RNFT2: variants seen among roughly 807,000 people sequenced by gnomAD.
RNFT2 encodes E3 ubiquitin-protein ligase RNFT2.
A neutral mutation model predicts 53.0 loss-of-function variants in RNFT2; 36 were observed. That is an observed-to-expected ratio of 0.68 (90% CI 0.52 to 0.90). The LOEUF (loss-of-function observed/expected upper bound fraction) is 0.90, where lower values mean the gene tolerates loss of function less well. Among genes scored for constraint, RNFT2 ranks in the 40% least tolerant of loss-of-function variants. The probability of loss-of-function intolerance (pLI) is 0.00; values close to 1 mark genes in which losing one functional copy is unlikely to be tolerated. For synonymous variants in RNFT2, 260 were observed against 253.2 expected (o/e 1.03, Z -0.26); for missense variants, 514 against 585.6 (o/e 0.88, Z 1.26).
intron 7 of RNFT2, among the ~76,000 whole-genome samples, chr12:116,794,643 G>A: frequency 8.5e-6 from 1 of 117,170 alleles, no homozygotes; most frequent in South Asian, 3.5e-4. Flanking sequence ...GGGAGGGGAG[G>A]GGAGAAGGAA....
chr12:116,852,653 C>T lies in RNFT2; in HGVS notation c.*3205C>T. The T allele has an allele frequency of 1.2e-6, 2 of 1,613,982 alleles. No homozygotes were observed. The highest frequency in any genetic ancestry group is 1.7e-5 in the Admixed American group (1 of 60,020). On this transcript the variant is annotated 3_prime_UTR_variant, in exon 11 of 11. Transcript: ENST00000257575. Reference sequence around the variant, plus strand: ...GGAAAGATCATCCTGCCTGCAGATGCTGTTGAAGGGGCACAAGAAATTGGA... The same window carrying T: ...GGAAAGATCATCCTGCCTGCAGATGTTGTTGAAGGGGCACAAGAAATTGGA...
At chr12:116,746,421 T>TAA (rs1438272255) in intron 3 of RNFT2, among the ~76,000 whole-genome samples, 5 of 151,474 alleles carry the variant, frequency 3.3e-5, no homozygotes, top group African/African-American at 1.2e-4. Context: ...AGATGAGGAA[T>TAA]AAAATAACAG....
In RNFT2 at chr12:116,841,954, TATATAGAGAGAGAG is replaced by T. The variant is rs1396258392; in HGVS notation, c.1200+5674_1200+5687del. On this transcript the variant is annotated intron_variant, in intron 10 of 10. Coordinates refer to ENST00000257575, the MANE Select transcript of RNFT2 (RefSeq NM_001382266.1). ...ATATATAAATATATATATAAATATA[TATATAGAGAGAGAG>T]AGAGAGAGAGAGAGAGAGGGAGGAT... Among the ~76,000 whole-genome samples the T allele has an allele frequency of 1.3e-3, 25 of 19,722 alleles. 1 individual carries two copies. Among genetic ancestry groups the T allele is most frequent in the African/African-American group, 5.2e-3 (15 of 2,894 alleles). 12.9% of individuals were successfully genotyped at this position (19,722 alleles called of 152,430 possible). A position where few individuals can be genotyped will look rare whatever the true frequency, so the allele number is the denominator to read the frequency against.
rs1252932117 is a variant in RNFT2, at chr12:116,853,100, C to T, written c.*3652C>T. ...TTTTCTTCTCGGTGGGGGGATTTAA[C>T]TTCTGTCCTAGGGAAAACAGTGTCT... On this transcript the variant is annotated 3_prime_UTR_variant, in exon 11 of 11. Coordinates refer to ENST00000257575, the MANE Select transcript of RNFT2 (RefSeq NM_001382266.1). 4.7e-6 allele frequency: 2 copies of T among 424,608 alleles called. No homozygotes were observed. Among genetic ancestry groups the T allele is most frequent in the African/African-American group, 4.1e-5 (2 of 48,852 alleles). The allele number at this position is 424,608 out of a possible 1,614,324, so 26.3% of individuals were successfully genotyped here.
chr12:116,779,606 T>C (rs1292416365), intron 7 of RNFT2, among the ~76,000 whole-genome samples: 2 of 152,172 alleles, frequency 1.3e-5, no homozygotes. Flanking sequence ...CAGCTACCCT[T>C]GATGCAATTT....
intron 10 of RNFT2, among the ~76,000 whole-genome samples, chr12:116,848,568 C>T (rs1327737069): frequency 2.6e-5 from 4 of 152,108 alleles, no homozygotes; most frequent in African/African-American, 9.7e-5. Context: ...CTCTCCCATC[C>T]ACCCCAACAA....
chr12:116,778,292 G>A (rs1367262622), intron 6 of RNFT2, among the ~76,000 whole-genome samples: 1 of 152,168 alleles, frequency 6.6e-6, no homozygotes, highest in Non-Finnish European at 1.5e-5. Context: ...AGGTGTTTGG[G>A]TCATGGGTAT....
chr12:116,769,568 G>A (rs1873081801), intron 6 of RNFT2, among the ~76,000 whole-genome samples: 1 of 152,030 alleles, frequency 6.6e-6, no homozygotes, highest in Admixed American at 6.6e-5. Context: ...TTAAAAATAG[G>A]AAAAACCTTA....
At chr12:116,748,587 TG>T in intron 3 of RNFT2, 1 of 413,028 alleles carries the variant, frequency 2.4e-6, no homozygotes, top group Non-Finnish European at 4.9e-6. Flanking sequence ...CTAGAACAGG[TG>T]GAGCTGGAGT....
intron 3 of RNFT2, among the ~76,000 whole-genome samples, chr12:116,743,788 ATGGTGCCTGCCTGTTC>A (rs1871761712): frequency 6.6e-6 from 1 of 152,120 alleles, no homozygotes; most frequent in African/African-American, 2.4e-5. Context: ...TGAGTTTTGT[ATGGTGCCTGCCTGTTC>A]TGCAGGGAAG....
rs183859117 is a variant in RNFT2 at position 116,751,004 on chromosome 12, C to T, written c.550+697C>T. On this transcript the variant is annotated intron_variant, in intron 4 of 10. Coordinates refer to ENST00000257575, the MANE Select transcript of RNFT2 (RefSeq NM_001382266.1). Reference sequence around the variant, plus strand: ...CAACCTTCGCTTACTGCAACTTTTGCCTCCCAGGTTGGTTATCCTCCCACC... The same window carrying T: ...CAACCTTCGCTTACTGCAACTTTTGTCTCCCAGGTTGGTTATCCTCCCACC... Among the ~76,000 whole-genome samples, 403 of 148,932 alleles carry T rather than the reference C, an allele frequency of 2.7e-3. 3 individuals carry two copies. The highest frequency in any genetic ancestry group is 8.2e-3 in the African/African-American group (328 of 40,066).
chr12:116,820,631 C>T (rs141495044), intron 7 of RNFT2, among the ~76,000 whole-genome samples: 158 of 152,270 alleles, frequency 1.0e-3, no homozygotes, highest in African/African-American at 3.0e-3. Flanking sequence ...CTTTCTCCCA[C>T]ATCTTACTTT....
intron 3 of RNFT2, among the ~76,000 whole-genome samples, chr12:116,741,992 T>G (rs542493973): frequency 6.6e-6 from 1 of 152,174 alleles, no homozygotes; most frequent in African/African-American, 2.4e-5. Flanking sequence ...AACATTGAGA[T>G]CATAGCTCTG....
At chr12:116,798,572 T>C (rs930193583) in intron 7 of RNFT2, among the ~76,000 whole-genome samples, 1 of 152,080 alleles carries the variant, frequency 6.6e-6, no homozygotes, top group Non-Finnish European at 1.5e-5. Flanking sequence ...TTTTTTTTAT[T>C]TTTATTTTTT....
Position 116,750,280 on chromosome 12 carries a change from GC to G in RNFT2, c.525del (p.Lys176AsnfsTer33). The part of the protein sequence containing the change: ...KGLPFILILL[A>X]KLCFQHKLGI... ...ACTCCCCTTCATCCTGATCCTCCTG[GC>G]CAAACTGTGCTTTCAGCATAAGCTC... On this transcript the variant is annotated frameshift_variant, in exon 4 of 11. Coordinates refer to ENST00000257575, the MANE Select transcript of RNFT2 (RefSeq NM_001382266.1). LOFTEE classifies it high-confidence loss of function. The G allele has an allele frequency of 6.2e-7, 1 of 1,604,268 alleles. No homozygotes were observed. The highest frequency in any genetic ancestry group is 1.1e-5 in the South Asian group (1 of 90,652).
At position 116,766,798 on chromosome 12, in the gene RNFT2, C is replaced by T; in HGVS notation, c.628-16C>T. On this transcript the variant is annotated splice_polypyrimidine_tract_variant and intron_variant, in intron 5 of 10. Transcript: ENST00000257575. ...CATGCACCTTTGATATCACATATCTCTTGCTTTGTCTTCAGGAGAAGAGGT... is the reference window on the plus strand; with the variant it reads ...CATGCACCTTTGATATCACATATCTTTTGCTTTGTCTTCAGGAGAAGAGGT... 4 of 1,567,912 alleles carry T rather than the reference C, an allele frequency of 2.6e-6. No homozygotes were observed. The highest frequency in any genetic ancestry group is 3.5e-6 in the Non-Finnish European group (4 of 1,153,390).
intron 4 of RNFT2, among the ~76,000 whole-genome samples, chr12:116,750,812 AT>A (rs1412284894): frequency 4.4e-4 from 2 of 4,548 alleles, no homozygotes; most frequent in Non-Finnish European, 8.8e-4. Flanking sequence ...TATATATAAT[AT>A]ATATATTATA....
intron 7 of RNFT2, among the ~76,000 whole-genome samples, chr12:116,781,000 A>G (rs2137118826): frequency 6.6e-6 from 1 of 152,298 alleles, no homozygotes; most frequent in East Asian, 1.9e-4. Context: ...GCCTTCCTCC[A>G]AAGTACTCAC....
chr12:116,818,406 G>A (rs375649607), intron 7 of RNFT2, among the ~76,000 whole-genome samples: 2 of 152,144 alleles, frequency 1.3e-5, no homozygotes, highest in East Asian at 3.9e-4. Flanking sequence ...ACAGGCCCTG[G>A]CTCAGTGCCT....
Sources: gnomAD v4.1 joint callset for allele counts (sites outside exome capture counted in the v4.1 genomes callset) on GRCh38, gnomAD v4.1.1 for gene constraint, MANE v1.5 for transcripts, NCBI Gene and HGNC (gene_info 2026-07-23, HGNC 2026-07-21) for gene names.